SLC35F3: variants seen among roughly 807,000 people sequenced by gnomAD.
The protein encoded by SLC35F3 is solute carrier family 35 member F3.
Under a neutral mutation model 49.9 loss-of-function variants are expected in SLC35F3, and 25 were observed. That is an observed-to-expected ratio of 0.50 (90% CI 0.37 to 0.70). SLC35F3 has a LOEUF of 0.70. Among genes scored for constraint, SLC35F3 ranks in the 30% least tolerant of loss-of-function variants. The pLI, the probability that SLC35F3 is intolerant of heterozygous loss-of-function variation, is 0.00. For synonymous variants in SLC35F3, 275 were observed against 265.4 expected (o/e 1.04, Z -0.35); for missense variants, 525 against 639.8 (o/e 0.82, Z 1.94).
chr1:234,224,616 C>T (rs1182460573), intron 2 of SLC35F3, among the ~76,000 whole-genome samples: 1 of 152,212 alleles, frequency 6.6e-6, no homozygotes, highest in Non-Finnish European at 1.5e-5. Flanking sequence ...ATGTTCAGCA[C>T]CATGACCTTG....
At chr1:233,938,630 A>G (rs577239373) in intron 2 of SLC35F3, among the ~76,000 whole-genome samples, 1 of 151,292 alleles carries the variant, frequency 6.6e-6, no homozygotes, top group African/African-American at 2.4e-5. Context: ...GGATGGATAG[A>G]TGGATGGATG....
At chr1:234,170,862 G>A (rs538258701) in intron 2 of SLC35F3, among the ~76,000 whole-genome samples, 108 of 152,288 alleles carry the variant, frequency 7.1e-4, no homozygotes, top group South Asian at 2.7e-3. Context: ...TGGCCTTGCC[G>A]TGGGGACAGT....
At chr1:234,038,354 A>G (rs1365795386) in intron 2 of SLC35F3, among the ~76,000 whole-genome samples, 1 of 150,160 alleles carries the variant, frequency 6.7e-6, no homozygotes, top group African/African-American at 2.5e-5. Flanking sequence ...TTCTTAATCC[A>G]GTCTATCATT....
chr1:234,112,028 G>A (rs1474439532), intron 2 of SLC35F3, among the ~76,000 whole-genome samples: 1 of 152,052 alleles, frequency 6.6e-6, no homozygotes, highest in East Asian at 1.9e-4. Context: ...TCTCATCCTT[G>A]CCATGGCTGT....
intron 2 of SLC35F3, among the ~76,000 whole-genome samples, chr1:234,211,411 A>G (rs1211400833): frequency 6.6e-6 from 1 of 152,210 alleles, no homozygotes; most frequent in Non-Finnish European, 1.5e-5. Flanking sequence ...GAAAAGCCAC[A>G]GACACTCAAT....
At chr1:234,309,341 C>T (rs558757832) in intron 4 of SLC35F3, 21 bp downstream of exon 4, 10 of 1,607,092 alleles carry the variant, frequency 6.2e-6, no homozygotes, top group African/African-American at 1.3e-5. Context: ...TATTATCTGT[C>T]TTCCTCCCTC....
intron 2 of SLC35F3, among the ~76,000 whole-genome samples, chr1:233,964,074 C>T (rs1269896403): frequency 6.6e-6 from 1 of 152,184 alleles, no homozygotes; most frequent in East Asian, 1.9e-4. Context: ...CTGGAAGGTC[C>T]TTGTCATTGG....
At position 234,304,058 on chromosome 1, in the gene SLC35F3, CT is replaced by C. The variant is rs369660246; in HGVS notation, c.609-5040del. Among the ~76,000 whole-genome samples the C allele has an allele frequency of 2.0e-3, 173 of 84,702 alleles. 1 individual carries two copies. Among genetic ancestry groups the C allele is most frequent in the South Asian group, 8.4e-3 (24 of 2,844 alleles). 55.6% of individuals were successfully genotyped at this position (84,702 alleles called of 152,430 possible). On this transcript the variant is annotated intron_variant, in intron 3 of 7. Coordinates refer to ENST00000366618, the MANE Select transcript of SLC35F3 (RefSeq NM_173508.4). ...CCTTCCTTCCTTCTTTCTTTCCTTC[CT>C]TTCCTTCCTTCCTTTCTTCCTTCCT... is the stretch of plus-strand genomic sequence containing the variant.
intron 2 of SLC35F3, among the ~76,000 whole-genome samples, chr1:234,116,965 A>G (rs1020227417): frequency 1.3e-5 from 2 of 152,174 alleles, no homozygotes; most frequent in Admixed American, 6.5e-5. Flanking sequence ...CCAAGGAGCA[A>G]TGGTTTATCT....
At chr1:234,121,982 G>C (rs1445993961) in intron 2 of SLC35F3, among the ~76,000 whole-genome samples, 1 of 152,186 alleles carries the variant, frequency 6.6e-6, no homozygotes, top group Non-Finnish European at 1.5e-5. Context: ...GGACATTTGG[G>C]TTGGTTCCAA....
chr1:234,252,971 C>A lies in SLC35F3; in HGVS notation c.608+21230C>A, dbSNP rs183679216. ...TAATTAGCTAAAGATTAGAAACAAC[C>A]TAAAATATTCAACAATCAGGAACTG... On this transcript the variant is annotated intron_variant, in intron 3 of 7. Transcript: ENST00000366618. Among the ~76,000 whole-genome samples the A allele has an allele frequency of 2.0e-5, 3 of 152,226 alleles. No individual in the cohort carries two copies. In the South Asian group the frequency reaches 6.2e-4, roughly 32 times the overall value.
intron 3 of SLC35F3, among the ~76,000 whole-genome samples, chr1:234,288,683 CCA>C (rs564523483): frequency 1.4e-3 from 219 of 152,340 alleles, no homozygotes; most frequent in South Asian, 4.3e-3. Flanking sequence ...CCTGCTACCA[CCA>C]CAGTTTCACA....
intron 2 of SLC35F3, among the ~76,000 whole-genome samples, chr1:233,964,713 G>A (rs1487219562): frequency 6.6e-6 from 1 of 152,230 alleles, no homozygotes; most frequent in African/African-American, 2.4e-5. Context: ...GCAGAGAGAT[G>A]TGCAACAGAG....
At chr1:234,227,392 C>CTTTTTTTTTTTTTTTT (rs369277069) in intron 2 of SLC35F3, among the ~76,000 whole-genome samples, 1 of 108,668 alleles carries the variant, frequency 9.2e-6, no homozygotes, top group Admixed American at 1.2e-4. Context: ...CTCTTTCTTT[C>CTTTTTTTTTTTTTTTT]TTTTTTTTTT....
intron 2 of SLC35F3, among the ~76,000 whole-genome samples, chr1:234,202,987 T>C (rs935744398): frequency 2.6e-5 from 4 of 152,170 alleles, no homozygotes; most frequent in Non-Finnish European, 5.9e-5. Context: ...AGCTCAGAGC[T>C]CTAGCTATGG....
At chr1:234,239,990 C>A (rs1035984058) in intron 3 of SLC35F3, among the ~76,000 whole-genome samples, 1 of 151,862 alleles carries the variant, frequency 6.6e-6, no homozygotes, top group East Asian at 1.9e-4. Context: ...AAATTAAACA[C>A]GATGGTGTGT....
At chr1:233,972,321 A>G (rs1417033960) in intron 2 of SLC35F3, among the ~76,000 whole-genome samples, 1 of 152,204 alleles carries the variant, frequency 6.6e-6, no homozygotes, top group Non-Finnish European at 1.5e-5. Context: ...AGCATCAAGC[A>G]TATTTTACAT....
At chr1:234,267,716 G>A (rs1457099097) in intron 3 of SLC35F3, among the ~76,000 whole-genome samples, 3 of 115,784 alleles carry the variant, frequency 2.6e-5, no homozygotes, top group Admixed American at 9.1e-5. Flanking sequence ...GCTGCCGGAC[G>A]GAGGGGCTCC....
At chr1:233,950,444 G>GTTTCCTTCCTTC (rs1298449298) in intron 2 of SLC35F3, among the ~76,000 whole-genome samples, 1 of 134,958 alleles carries the variant, frequency 7.4e-6, no homozygotes, top group African/African-American at 2.8e-5. Flanking sequence ...GCAAAGAAAT[G>GTTTCCTTCCTTC]TTTCCTTCCT....
Sources: gnomAD v4.1 joint callset for allele counts (sites outside exome capture counted in the v4.1 genomes callset) on GRCh38, gnomAD v4.1.1 for gene constraint, MANE v1.5 for transcripts, NCBI Gene and HGNC (gene_info 2026-07-23, HGNC 2026-07-21) for gene names.